DLC1: variants seen among roughly 807,000 people sequenced by gnomAD.
The protein encoded by DLC1 is DLC1 Rho GTPase activating protein.
Under a neutral mutation model 140.3 loss-of-function variants are expected in DLC1, and 54 were observed. That is an observed-to-expected ratio of 0.38 (90% CI 0.31 to 0.48). The LOEUF (loss-of-function observed/expected upper bound fraction) is 0.48. Ranked by LOEUF, DLC1 falls within the 20% of genes least tolerant of loss-of-function variation. The pLI is 0.96. For missense variants in DLC1, 2,536 were observed against 1,907.0 expected, an observed-to-expected ratio of 1.33 and a Z score of -6.14; for synonymous variants, 986 against 728.1, an observed-to-expected ratio of 1.35 and a Z score of -5.70.
intron 5 of DLC1, among the ~76,000 whole-genome samples, chr8:13,238,137 C>T (rs1222073974): frequency 6.6e-6 from 1 of 151,866 alleles, no homozygotes; most frequent in Non-Finnish European, 1.5e-5. Flanking sequence ...CATGCACAGG[C>T]ATGTGTGCAT....
chr8:13,292,753 TAAGA>T (rs1226237466), intron 5 of DLC1, among the ~76,000 whole-genome samples: 2 of 152,274 alleles, frequency 1.3e-5, no homozygotes, highest in East Asian at 1.9e-4. Context: ...TTTTTCTCTT[TAAGA>T]GTCTTCATTT....
At chr8:13,262,594 C>T (rs922937920) in intron 5 of DLC1, among the ~76,000 whole-genome samples, 1 of 152,102 alleles carries the variant, frequency 6.6e-6, no homozygotes, top group African/African-American at 2.4e-5. Context: ...AGGCCTTGTC[C>T]TGGCACTCAG....
intron 4 of DLC1, among the ~76,000 whole-genome samples, chr8:13,366,317 C>T (rs1489854052): frequency 1.3e-5 from 2 of 152,140 alleles, no homozygotes; most frequent in Non-Finnish European, 2.9e-5. Flanking sequence ...GTTGAGCATC[C>T]ACTACATGCC....
intron 4 of DLC1, among the ~76,000 whole-genome samples, chr8:13,379,404 G>C (rs537810806): frequency 8.5e-5 from 13 of 152,070 alleles, no homozygotes; most frequent in Admixed American, 2.6e-4. Context: ...CTAACCTATT[G>C]AGCATCCTAG....
At chr8:13,411,269 G>A (rs1202004154) in intron 2 of DLC1, among the ~76,000 whole-genome samples, 1 of 152,136 alleles carries the variant, frequency 6.6e-6, no homozygotes, top group Non-Finnish European at 1.5e-5. Context: ...AAGATATGGA[G>A]GAAATTTAAA....
chr8:13,206,564 C>G (rs1286580360), intron 5 of DLC1, among the ~76,000 whole-genome samples: 1 of 152,066 alleles, frequency 6.6e-6, no homozygotes, highest in Non-Finnish European at 1.5e-5. Flanking sequence ...AATATTTCAT[C>G]TAAAAACTAT....
At chr8:13,496,780 C>T (rs1226108024) in intron 2 of DLC1, among the ~76,000 whole-genome samples, 1 of 111,498 alleles carries the variant, frequency 9.0e-6, no homozygotes, top group Non-Finnish European at 1.8e-5. Context: ...ATTCTTAGAC[C>T]ATTTCCTTTT....
intron 3 of DLC1, among the ~76,000 whole-genome samples, chr8:13,398,819 C>A (rs1013927749): frequency 6.6e-6 from 1 of 151,978 alleles, no homozygotes; most frequent in South Asian, 2.1e-4. Flanking sequence ...ACAGGAGCAA[C>A]ACATCTTTGA....
upstream of DLC1, chr8:13,515,020 G>A (rs978336417): frequency 7.0e-5 from 13 of 185,352 alleles, no homozygotes; most frequent in Non-Finnish European, 1.2e-4. Flanking sequence ...ACTCAAGTGA[G>A]TTTTGTCAAA....
intron 1 of DLC1, among the ~76,000 whole-genome samples, chr8:13,575,629 C>T (rs1386150446): frequency 1.3e-5 from 2 of 152,054 alleles, no homozygotes; most frequent in Admixed American, 1.3e-4. Context: ...TACAATTTAT[C>T]CCTGTTGCTT....
chr8:13,264,141 T>G (rs1020437387), intron 5 of DLC1, among the ~76,000 whole-genome samples: 3 of 152,000 alleles, frequency 2.0e-5, no homozygotes, highest in Non-Finnish European at 4.4e-5. Context: ...CCATCTTGGC[T>G]CACTGCAACC....
At chr8:13,330,752 T>G (rs561969905) in intron 4 of DLC1, among the ~76,000 whole-genome samples, 2 of 152,280 alleles carry the variant, frequency 1.3e-5, no homozygotes, top group East Asian at 1.9e-4. Flanking sequence ...CTCACTACCT[T>G]CCTTTTGAAT....
At chr8:13,402,904 C>T (rs1028404204) in intron 2 of DLC1, among the ~76,000 whole-genome samples, 5 of 152,158 alleles carry the variant, frequency 3.3e-5, no homozygotes, top group African/African-American at 1.2e-4. Context: ...ATATCTTAAA[C>T]AGCAAGAGCA....
intron 2 of DLC1, among the ~76,000 whole-genome samples, chr8:13,451,962 G>T (rs1799081653): frequency 6.6e-6 from 1 of 152,040 alleles, no homozygotes; most frequent in African/African-American, 2.4e-5. Flanking sequence ...CTCCATAGTG[G>T]TTGTACTAAT....
At chr8:13,142,662 T>C (rs117041439) in intron 5 of DLC1, among the ~76,000 whole-genome samples, 3,494 of 152,292 alleles carry the variant, frequency 0.023, 59 homozygotes, top group Non-Finnish European at 0.03. Flanking sequence ...TAAAGAGGGT[T>C]ATTACACAAC....
At chr8:13,257,163 T>G (rs1262562300) in intron 5 of DLC1, among the ~76,000 whole-genome samples, 1 of 151,790 alleles carries the variant, frequency 6.6e-6, no homozygotes, top group Non-Finnish European at 1.5e-5. Flanking sequence ...TGTCACAAAA[T>G]CATGTTCTTT....
chr8:13,088,460 A>C, intron 16 of DLC1, 27 bp downstream of exon 16: 1 of 1,612,530 alleles, frequency 6.2e-7, no homozygotes, highest in Non-Finnish European at 8.5e-7. Context: ...CATCCTTGTC[A>C]CAAAAAAACA....
At position 13,090,279 on chromosome 8, in the gene DLC1, C is replaced by G. The variant is rs1301080626; in HGVS notation, c.4047G>C (p.Ser1349=). 3 of 1,614,010 alleles carry G rather than the reference C, an allele frequency of 1.9e-6. No individual in the cohort carries two copies. The highest frequency in any genetic ancestry group is 1.3e-5 in the African/African-American group (1 of 74,918). The change falls in exon 15 of 18, where the codon TCG becomes TCC. Residue 1349 remains serine (S), a synonymous_variant. Coordinates refer to ENST00000276297, the MANE Select transcript of DLC1 (RefSeq NM_182643.3). The part of the protein sequence containing the change: ...KFKGWVSYST[S]EQAELSYKKV... ...TCTTATAGGACAGCTCAGCCTGCTC[C>G]GAAGTGGAGTAGCTGACCCAGCCTT...
At position 13,329,771 on chromosome 8, in the gene DLC1, T is replaced by G. The variant is rs529907327; in HGVS notation, c.1315-24469A>C. The stretch of plus-strand genomic sequence containing the variant: ...TCTCCAGCAAAACTCTTAGGATCCT[T>G]AAGAACAGGAGCTGTGTATGTATTT... On this transcript the variant is annotated intron_variant, in intron 4 of 17. Coordinates refer to ENST00000276297, the MANE Select transcript of DLC1 (RefSeq NM_182643.3). Among the ~76,000 whole-genome samples, 8 of 152,286 alleles carry G rather than the reference T, an allele frequency of 5.3e-5. No homozygotes were observed. The South Asian group carries it at 1.7e-3, about 32-fold the overall frequency.
Sources: allele counts gnomAD v4.1 joint callset (sites outside exome capture counted in the v4.1 genomes callset), GRCh38; gene constraint gnomAD v4.1.1; transcripts MANE v1.5; gene names NCBI Gene and HGNC (gene_info 2026-07-23, HGNC 2026-07-21).